CFAP263: variants seen among roughly 807,000 people sequenced by gnomAD.
CFAP263 encodes the protein cilia- and flagella-associated protein 263.
At chr16:58,260,954 G>A in the CFAP263 span, among the ~76,000 whole-genome samples, 1 of 152,190 alleles carries the variant, frequency 6.6e-6, no homozygotes, top group Non-Finnish European at 1.5e-5. Flanking sequence ...AGCTCAGGTG[G>A]TGGTGATGCT....
the CFAP263 span, among the ~76,000 whole-genome samples, chr16:58,266,767 A>T: frequency 6.6e-6 from 1 of 152,106 alleles, no homozygotes; most frequent in East Asian, 1.9e-4. Context: ...CCAATCTAAG[A>T]AGCAGGGGTG....
At chr16:58,262,339 A>G in the CFAP263 span, 2 of 1,552,092 alleles carry the variant, frequency 1.3e-6, no homozygotes, top group Non-Finnish European at 8.8e-7. Flanking sequence ...TACATTCAGA[A>G]TCACAACTGA....
chr16:58,283,778 A>G, the CFAP263 span: 2 of 152,204 alleles, frequency 1.3e-5, no homozygotes, highest in Non-Finnish European at 2.9e-5. Flanking sequence ...AAGGGCAAAC[A>G]TATTTCTTAA....
chr16:58,280,710 C>G, the CFAP263 span: 1 of 1,613,884 alleles, frequency 6.2e-7, no homozygotes, highest in Non-Finnish European at 8.5e-7. Flanking sequence ...TCAGAACCCA[C>G]AGATCGAACT....
the CFAP263 span, among the ~76,000 whole-genome samples, chr16:58,266,774 G>T: frequency 2.2e-3 from 338 of 152,258 alleles, 3 homozygotes; most frequent in African/African-American, 7.7e-3. Context: ...AAGAAGCAGG[G>T]GTGGGGCCTG....
At chr16:58,259,710 G>C in the CFAP263 span, 4 of 538,650 alleles carry the variant, frequency 7.4e-6, no homozygotes, top group South Asian at 3.1e-5. Flanking sequence ...CCCAGCTTGA[G>C]TAGAAGTAAA....
At chr16:58,252,573 A>C in the CFAP263 span, among the ~76,000 whole-genome samples, 2 of 152,150 alleles carry the variant, frequency 1.3e-5, no homozygotes, top group Non-Finnish European at 2.9e-5. Context: ...GGAACCCTAA[A>C]AGTTAAGTGC....
chr16:58,277,372 G>A, the CFAP263 span, among the ~76,000 whole-genome samples: 8 of 152,022 alleles, frequency 5.3e-5, no homozygotes, highest in South Asian at 2.1e-4. Context: ...CAAGTGATCC[G>A]CCCGCCTTAG....
the CFAP263 span, among the ~76,000 whole-genome samples, chr16:58,273,796 C>T: frequency 1.4e-4 from 22 of 152,270 alleles, 1 homozygote; most frequent in African/African-American, 5.3e-4. Flanking sequence ...TGATATTGGT[C>T]CCTCCCATCC....
chr16:58,281,644 C>G, the CFAP263 span: 1 of 152,238 alleles, frequency 6.6e-6, no homozygotes, highest in South Asian at 2.1e-4. Flanking sequence ...CCAGCCACTT[C>G]TGACCTGTGT....
At chr16:58,267,707 A>G in the CFAP263 span, 1 of 641,514 alleles carries the variant, frequency 1.6e-6, no homozygotes, top group Non-Finnish European at 2.7e-6. Context: ...CCTAGACAAT[A>G]AAAATCAAAA....
the CFAP263 span, chr16:58,253,881 C>A: frequency 9.5e-7 from 1 of 1,055,734 alleles, no homozygotes; most frequent in Non-Finnish European, 1.4e-6. Context: ...AATTTGTTCT[C>A]CCTGGCTGTC....
chr16:58,252,460 G>A, the CFAP263 span, among the ~76,000 whole-genome samples: 1 of 151,962 alleles, frequency 6.6e-6, no homozygotes, highest in Non-Finnish European at 1.5e-5. Flanking sequence ...TGTAATACTA[G>A]TGTTCTGAAT....
the CFAP263 span, among the ~76,000 whole-genome samples, chr16:58,258,996 A>C: frequency 6.7e-6 from 1 of 150,202 alleles, no homozygotes; most frequent in Non-Finnish European, 1.5e-5. Context: ...TAAATAAATA[A>C]ATAAATAAAT....
At chr16:58,268,736 T>C in the CFAP263 span, among the ~76,000 whole-genome samples, 5 of 152,216 alleles carry the variant, frequency 3.3e-5, no homozygotes, top group Non-Finnish European at 7.3e-5. Flanking sequence ...CTGTGAACTC[T>C]CTTAATGCAG....
chr16:58,280,469 C>T, the CFAP263 span: 1 of 1,614,160 alleles, frequency 6.2e-7, no homozygotes, highest in Non-Finnish European at 8.5e-7. Flanking sequence ...CTTCTTTGTC[C>T]CTGCAAGTAT....
the CFAP263 span, chr16:58,254,061 G>C: frequency 6.2e-7 from 1 of 1,614,190 alleles, no homozygotes; most frequent in Non-Finnish European, 8.5e-7. Flanking sequence ...CCTGACTGCC[G>C]ACCAAAAACT....
the CFAP263 span, among the ~76,000 whole-genome samples, chr16:58,261,110 A>G: frequency 6.6e-6 from 1 of 152,304 alleles, no homozygotes; most frequent in South Asian, 2.1e-4. Flanking sequence ...TAGAGTTCAC[A>G]TCGGAGAGCA....
chr16:58,279,993 C>G, the CFAP263 span: 1 of 623,030 alleles, frequency 1.6e-6, no homozygotes, highest in Non-Finnish European at 2.8e-6. Flanking sequence ...ACAGGGCACT[C>G]TAATGGTTTG....
Sources: gnomAD v4.1 joint callset for allele counts (sites outside exome capture counted in the v4.1 genomes callset) on GRCh38, gnomAD v4.1.1 for gene constraint, MANE v1.5 for transcripts, NCBI Gene and HGNC (gene_info 2026-07-23, HGNC 2026-07-21) for gene names.